EPG5: variants seen among roughly 807,000 people sequenced by gnomAD.
The protein encoded by EPG5 is ectopic P granules protein 5 homolog.
A neutral mutation model predicts 302.7 loss-of-function variants in EPG5; 159 were observed. That is an observed-to-expected ratio of 0.53 (90% CI 0.46 to 0.60). The LOEUF (loss-of-function observed/expected upper bound fraction) is 0.60, where lower values mean the gene tolerates loss of function less well. Among genes scored for constraint, EPG5 ranks in the 20% least tolerant of loss-of-function variants. The probability of loss-of-function intolerance (pLI) is 0.00; values close to 1 mark genes in which losing one functional copy is unlikely to be tolerated. For missense variants in EPG5, 2,896 were observed against 3,092.4 expected (o/e 0.94, Z 1.51); for synonymous variants, 1,158 against 1,136.8 (o/e 1.02, Z -0.37).
chr18:45,939,511 T>A, intron 10 of EPG5, 89 bp downstream of exon 10: 1 of 1,277,192 alleles, frequency 7.8e-7, no homozygotes, highest in African/African-American at 1.5e-5. Flanking sequence ...GAAACTATTA[T>A]AAAAGACCTA....
At chr18:45,919,792 G>A (rs2050115066) in intron 16 of EPG5, among the ~76,000 whole-genome samples, 1 of 152,148 alleles carries the variant, frequency 6.6e-6, no homozygotes, top group African/African-American at 2.4e-5. Flanking sequence ...GATTACAGGC[G>A]TGAGCCACTG....
chr18:45,914,376 C>T (rs72918345), intron 20 of EPG5, among the ~76,000 whole-genome samples: 13,487 of 152,158 alleles, frequency 0.089, 635 homozygotes, highest in African/African-American at 0.12. Context: ...CCAGCTCAAT[C>T]CATGAGAGGT....
chr18:45,881,057 A>G (rs766651259), intron 31 of EPG5, among the ~76,000 whole-genome samples: 25 of 152,236 alleles, frequency 1.6e-4, no homozygotes, highest in Non-Finnish European at 3.2e-4. Flanking sequence ...GAATGAATGC[A>G]GTAGAAGAGC....
In EPG5 at chr18:45,915,567, T is replaced by C; in HGVS notation, c.3637A>G (p.Ile1213Val). Residue 1213 changes from isoleucine to valine, a missense_variant, in exon 20 of 44, where the codon ATT becomes GTT. Physicochemically the swap from Ile to Val is conservative, Grantham distance 29. Coordinates refer to ENST00000282041, the MANE Select transcript of EPG5 (RefSeq NM_020964.3). Reference protein sequence around the residue: ...RSLLSSLVSWIVAGNITPSFV... With the variant: ...RSLLSSLVSWVVAGNITPSFV... The stretch of plus-strand genomic sequence containing the variant: ...GAAGGAGTGATGTTGCCTGCCACAA[T>C]CCAGCTTACCAAAGATGAGAGCAGA... 6.2e-7 allele frequency: 1 copy of C among 1,614,148 alleles called. No homozygotes were observed. The highest frequency in any genetic ancestry group is 8.5e-7 in the Non-Finnish European group (1 of 1,180,022).
At chr18:45,830,966 A>G in the EPG5 span, among the ~76,000 whole-genome samples, 3 of 152,076 alleles carry the variant, frequency 2.0e-5, no homozygotes, top group Non-Finnish European at 4.4e-5. Context: ...ATTTTCAGAC[A>G]TAGATTTTTA....
Position 45,952,461 on chromosome 18 carries a change from G to A in EPG5, c.1191C>T (p.Ile397=). 1 of 1,614,202 alleles carries A rather than the reference G, an allele frequency of 6.2e-7. No homozygotes were observed. Among genetic ancestry groups the A allele is most frequent in the South Asian group, 1.1e-5 (1 of 91,086 alleles). The change falls in exon 3 of 44, where the codon ATC becomes ATT. Residue 397 remains isoleucine, a synonymous_variant. Transcript: ENST00000282041. ...VLSRLQVESY[I]YALLSSSAVL... ...CAGCTGAACTACTGAGCAATGCATAGATGTAAGACTCCACTTGCAATCTTG... is the reference window on the plus strand; with the variant it reads ...CAGCTGAACTACTGAGCAATGCATAAATGTAAGACTCCACTTGCAATCTTG...
At chr18:45,832,823 G>C in the EPG5 span, among the ~76,000 whole-genome samples, 1,099 of 152,276 alleles carry the variant, frequency 7.2e-3, 15 homozygotes, top group African/African-American at 0.025. Context: ...GCCAAAGCAA[G>C]CGCATTTTTT....
In EPG5 at chr18:45,954,652, C is replaced by T. The variant is rs1320286838; in HGVS notation, c.750G>A (p.Leu250=). The change falls in exon 2 of 44, where the codon CTG becomes CTA. Residue 250 remains leucine, a synonymous_variant. Transcript: ENST00000282041. Reference sequence around the variant, plus strand: ...GTTCTTTAGTAAATGGTACTAGTTCCAGTTGAGACGGGAGTTCTGGGTAGA... The same window carrying T: ...GTTCTTTAGTAAATGGTACTAGTTCTAGTTGAGACGGGAGTTCTGGGTAGA... The part of the protein sequence containing the change: ...ERLYPELPSQ[L]ELVPFTKEQL... 1 of 1,614,112 alleles carries T rather than the reference C, an allele frequency of 6.2e-7. No homozygotes were observed. The highest frequency in any genetic ancestry group is 1.3e-5 in the African/African-American group (1 of 74,942).
the EPG5 span, among the ~76,000 whole-genome samples, chr18:45,811,993 G>T: frequency 2.6e-4 from 40 of 152,328 alleles, 1 homozygote; most frequent in South Asian, 5.4e-3. Flanking sequence ...GTTTGCAGAT[G>T]ACATGATTGT....
Position 45,954,698 on chromosome 18 carries a change from G to A in EPG5, c.704C>T (p.Pro235Leu), listed in dbSNP as rs780053907. The A allele has an allele frequency of 6.2e-7, 1 of 1,614,092 alleles. No individual in the cohort carries two copies. The highest frequency in any genetic ancestry group is 1.7e-5 in the Admixed American group (1 of 60,004). The change falls in exon 2 of 44, where the codon CCC (proline) becomes CTC (leucine). Residue 235 changes from proline to leucine, a missense_variant. Physicochemically the swap from Pro to Leu is moderately conservative, Grantham distance 98. Transcript: ENST00000282041. Reference protein sequence around the residue: ...GEAPALVAVKPLLRSERLYPE... With the variant: ...GEAPALVAVKLLLRSERLYPE... ...GTAGAGTCGCTCACTGCGAAGCAAG[G>A]GTTTCACTGCCACCAAAGCTGGTGC...
At position 45,943,793 on chromosome 18, in the gene EPG5, C is replaced by T. The variant is rs532445858; in HGVS notation, c.1792+212G>A. The stretch of plus-strand genomic sequence containing the variant: ...AAAATTAGCCGGGCGTGGTGGCGGG[C>T]GCCTGTAGTCCCAGCTACTCGGGAG... On this transcript the variant is annotated intron_variant, in intron 8 of 43. Transcript: ENST00000282041. Among the ~76,000 whole-genome samples, 6 of 152,058 alleles carry T rather than the reference C, an allele frequency of 3.9e-5. No individual in the cohort carries two copies. In the South Asian group the frequency reaches 1.2e-3, roughly 32 times the overall value.
the EPG5 span, chr18:45,825,914 G>A: frequency 1.6e-5 from 17 of 1,038,432 alleles, no homozygotes; most frequent in East Asian, 2.1e-4. Context: ...GAAGAGCTGC[G>A]CTTGGGGCCT....
intron 31 of EPG5, among the ~76,000 whole-genome samples, chr18:45,881,042 A>G (rs73953906): frequency 4.6e-5 from 7 of 152,172 alleles, no homozygotes; most frequent in Non-Finnish European, 8.8e-5. Context: ...GGGCTCACCC[A>G]GAGGGAATGA....
intron 13 of EPG5, among the ~76,000 whole-genome samples, chr18:45,927,199 ATT>A (rs1413030000): frequency 6.6e-6 from 1 of 151,352 alleles, no homozygotes; most frequent in Non-Finnish European, 1.5e-5. Context: ...CACCCGGCTA[ATT>A]TGTTTTTTTT....
the EPG5 span, among the ~76,000 whole-genome samples, chr18:45,834,667 G>A: frequency 6.6e-6 from 1 of 152,250 alleles, no homozygotes; most frequent in Non-Finnish European, 1.5e-5. Flanking sequence ...AGCCCCAGCA[G>A]GCTGATAAGA....
intron 16 of EPG5, among the ~76,000 whole-genome samples, chr18:45,919,246 C>G (rs1356634171): frequency 6.6e-6 from 1 of 152,120 alleles, no homozygotes; most frequent in Non-Finnish European, 1.5e-5. Flanking sequence ...TCCAGTACAC[C>G]TAATCCCAAA....
intron 5 of EPG5, 36 bp downstream of exon 5, chr18:45,949,448 C>G: frequency 7.5e-7 from 1 of 1,339,516 alleles, no homozygotes; most frequent in Non-Finnish European, 1.1e-6. Flanking sequence ...AAACCTCTCC[C>G]CCAACCCCTC....
At chr18:45,821,924 T>G in the EPG5 span, among the ~76,000 whole-genome samples, 2 of 152,176 alleles carry the variant, frequency 1.3e-5, no homozygotes, top group African/African-American at 4.8e-5. Context: ...CTCACCCTTG[T>G]TAGAATAGCT....
At chr18:45,946,581 G>T in intron 7 of EPG5, 82 bp downstream of exon 7, 1 of 1,027,518 alleles carries the variant, frequency 9.7e-7, no homozygotes. Flanking sequence ...GAGATACTAT[G>T]TGAAAAGTGC....
Sources: gnomAD v4.1 joint callset for allele counts (sites outside exome capture counted in the v4.1 genomes callset) on GRCh38, gnomAD v4.1.1 for gene constraint, MANE v1.5 for transcripts, NCBI Gene and HGNC (gene_info 2026-07-23, HGNC 2026-07-21) for gene names.